Variants in CLVS1 observed in about 807,000 individuals in gnomAD.
The protein encoded by CLVS1 is clavesin-1.
In CLVS1, 10 loss-of-function variants were observed where a neutral mutation model predicts 33.1. The observed-to-expected ratio is 0.30, with a 90% CI of 0.19 to 0.51. The LOEUF is 0.51. CLVS1 is among the 20% of genes least tolerant of loss of function. The pLI is 0.97. For missense variants in CLVS1, 343 were observed against 433.4 expected, an observed-to-expected ratio of 0.79 and a Z score of 1.85; for synonymous variants, 163 against 166.1, an observed-to-expected ratio of 0.98 and a Z score of 0.14.
At chr8:61,235,049 C>T (rs1419091300) in intron 2 of CLVS1, among the ~76,000 whole-genome samples, 4 of 152,130 alleles carry the variant, frequency 2.6e-5, no homozygotes, top group South Asian at 2.1e-4. Context: ...AGCTCACAGA[C>T]GAACCTAGTA....
intron 2 of CLVS1, among the ~76,000 whole-genome samples, chr8:61,205,591 G>A (rs766064787): frequency 2.8e-4 from 42 of 152,294 alleles, no homozygotes; most frequent in African/African-American, 8.2e-4. Context: ...TGGAGTCCAT[G>A]CTTTCTATGT....
chr8:61,400,523 T>G (rs1299903308), intron 3 of CLVS1, among the ~76,000 whole-genome samples: 1 of 152,212 alleles, frequency 6.6e-6, no homozygotes, highest in African/African-American at 2.4e-5. Context: ...ATATGCTTTA[T>G]TTCTTTCTCT....
intron 1 of CLVS1, among the ~76,000 whole-genome samples, chr8:61,125,242 G>A (rs1283237802): frequency 6.6e-6 from 1 of 151,974 alleles, no homozygotes; most frequent in Non-Finnish European, 1.5e-5. Flanking sequence ...CCCTTTCCTC[G>A]CTTTGGTTGC....
chr8:60,982,607 A>C, the CLVS1 span, among the ~76,000 whole-genome samples: 1 of 152,152 alleles, frequency 6.6e-6, no homozygotes, highest in Non-Finnish European at 1.5e-5. Context: ...TATTGTCACC[A>C]CTGCCCCCAG....
upstream of CLVS1, among the ~76,000 whole-genome samples, chr8:61,053,063 G>A (rs1804413252): frequency 6.6e-6 from 1 of 152,166 alleles, no homozygotes; most frequent in Non-Finnish European, 1.5e-5. Context: ...ATGTTTTTGA[G>A]ATTCTTGGCC....
the CLVS1 span, among the ~76,000 whole-genome samples, chr8:60,973,622 G>A: frequency 6.6e-6 from 1 of 152,246 alleles, no homozygotes; most frequent in Non-Finnish European, 1.5e-5. Flanking sequence ...AGAGGGCCAA[G>A]GGAGCATCTT....
chr8:61,080,462 C>T lies in CLVS1; in HGVS notation c.-243+23232C>T, dbSNP rs1444275733. 5.3e-5 allele frequency among the ~76,000 whole-genome samples: 8 copies of T among 152,190 alleles called. No homozygotes were observed. The East Asian group carries it at 5.8e-4, about 11-fold the overall frequency. On this transcript the variant is annotated intron_variant, in intron 1 of 2. Transcript: ENST00000522621. ...AGAATCCCCCTTTAACAATAAAGGG[C>T]GATTTTAAAACAACTATGAAAATCT...
chr8:61,328,884 G>C (rs1463801684), intron 2 of CLVS1, among the ~76,000 whole-genome samples: 1 of 152,122 alleles, frequency 6.6e-6, no homozygotes, highest in Non-Finnish European at 1.5e-5. Flanking sequence ...GGATGTTGAG[G>C]GGAATAAATT....
intron 3 of CLVS1, chr8:61,390,971 C>A (rs1289227283): frequency 1.9e-5 from 2 of 106,382 alleles, no homozygotes; most frequent in African/African-American, 6.0e-5. Flanking sequence ...TTCTTCTAGA[C>A]TTAGATTTTT....
chr8:61,408,078 G>C (rs911845745), intron 3 of CLVS1, among the ~76,000 whole-genome samples: 1 of 152,184 alleles, frequency 6.6e-6, no homozygotes, highest in Non-Finnish European at 1.5e-5. Context: ...ACTTCAAACA[G>C]GTGGGAGGCA....
At chr8:61,263,915 T>C (rs536803058) in intron 2 of CLVS1, among the ~76,000 whole-genome samples, 1 of 152,350 alleles carries the variant, frequency 6.6e-6, no homozygotes, top group South Asian at 2.1e-4. Flanking sequence ...AGTCTAGGGT[T>C]CTGGCACTAA....
At chr8:61,309,893 C>T (rs1345390783) in intron 2 of CLVS1, among the ~76,000 whole-genome samples, 2 of 152,188 alleles carry the variant, frequency 1.3e-5, no homozygotes, top group Admixed American at 1.3e-4. Flanking sequence ...TTGAGGTTTG[C>T]CTTTGGCTTT....
At chr8:61,210,173 G>C (rs1423666362) in intron 2 of CLVS1, among the ~76,000 whole-genome samples, 1 of 152,218 alleles carries the variant, frequency 6.6e-6, no homozygotes, top group Admixed American at 6.5e-5. Flanking sequence ...ATAGTATTAA[G>C]AGGTGGAATC....
chr8:61,219,449 T>C (rs1326632904), intron 2 of CLVS1, among the ~76,000 whole-genome samples: 1 of 152,224 alleles, frequency 6.6e-6, no homozygotes, highest in East Asian at 1.9e-4. Flanking sequence ...GCTTCCAGCT[T>C]CATCCATATC....
At chr8:61,409,914 G>T (rs28529439) in intron 3 of CLVS1, among the ~76,000 whole-genome samples, 4,875 of 151,970 alleles carry the variant, frequency 0.032, 134 homozygotes, top group African/African-American at 0.072. Flanking sequence ...AGTGGAATTT[G>T]TAGTTTTTGT....
At chr8:61,003,028 C>G in the CLVS1 span, among the ~76,000 whole-genome samples, 4 of 152,244 alleles carry the variant, frequency 2.6e-5, no homozygotes, top group African/African-American at 7.2e-5. Context: ...CTTGCTGGCT[C>G]TCTGCAGCTC....
chr8:61,105,107 G>A (rs867298483), intron 1 of CLVS1, among the ~76,000 whole-genome samples: 1 of 152,120 alleles, frequency 6.6e-6, no homozygotes, highest in Non-Finnish European at 1.5e-5. Context: ...TGGAATTACA[G>A]GCATGAGCCA....
intron 5 of CLVS1, among the ~76,000 whole-genome samples, chr8:61,470,425 G>T (rs1002739853): frequency 1.3e-5 from 2 of 152,206 alleles, no homozygotes; most frequent in African/African-American, 4.8e-5. Flanking sequence ...ACTGCCTGGT[G>T]TAGTTTCAAA....
At chr8:61,177,753 T>C (rs1480858564) in intron 2 of CLVS1, among the ~76,000 whole-genome samples, 2 of 150,466 alleles carry the variant, frequency 1.3e-5, no homozygotes, top group African/African-American at 4.9e-5. Flanking sequence ...AAGAGGGACC[T>C]GACTATTGAA....
Sources: allele counts gnomAD v4.1 joint callset (sites outside exome capture counted in the v4.1 genomes callset), GRCh38; gene constraint gnomAD v4.1.1; transcripts MANE v1.5; gene names NCBI Gene and HGNC (gene_info 2026-07-23, HGNC 2026-07-21).